Variants in DVL2 observed in about 807,000 individuals in gnomAD.
DVL2 encodes dishevelled segment polarity protein 2.
Under a neutral mutation model 69.8 loss-of-function variants are expected in DVL2, and 38 were observed. The ratio of observed to expected loss-of-function variants is 0.54; its 90% CI spans 0.42 to 0.71. DVL2 has a LOEUF of 0.71. Ranked by LOEUF, DVL2 falls within the 30% of genes least tolerant of loss-of-function variation. The pLI is 0.00. For missense variants in DVL2, 931 were observed against 1,008.1 expected (o/e 0.92, Z 1.04); for synonymous variants, 428 against 392.4 (o/e 1.09, Z -1.07).
chr17:7,233,258 A>C (rs1426985998), intron 1 of DVL2, among the ~76,000 whole-genome samples: 2 of 152,008 alleles, frequency 1.3e-5, no homozygotes, highest in African/African-American at 2.4e-5. Context: ...CACAGCCTAC[A>C]ATGCCCCCAC....
intron 3 of DVL2, 61 bp downstream of exon 3, chr17:7,230,224 C>T: frequency 6.2e-7 from 1 of 1,611,234 alleles, no homozygotes; most frequent in Non-Finnish European, 8.5e-7. Flanking sequence ...GCGTCCCCTA[C>T]CAAAGGCCTG....
intron 1 of DVL2, among the ~76,000 whole-genome samples, chr17:7,231,509 T>C (rs2142993650): frequency 6.7e-6 from 1 of 150,148 alleles, no homozygotes; most frequent in African/African-American, 2.5e-5. Flanking sequence ...CCTCTACTCT[T>C]ATACTTTCCT....
In DVL2 at chr17:7,230,281, T is replaced by A. The variant is rs753419221; in HGVS notation, c.410+4A>T. 50 of 1,613,898 alleles carry A rather than the reference T, an allele frequency of 3.1e-5. No homozygotes were observed. The highest frequency in any genetic ancestry group is 3.8e-5 in the Non-Finnish European group (45 of 1,179,992). ...CCCTGCAGTCAAGAATCTGAAGGACTCACTGGAAGGATGGAGGCCTTGAGT... is the reference window on the plus strand; with the variant it reads ...CCCTGCAGTCAAGAATCTGAAGGACACACTGGAAGGATGGAGGCCTTGAGT... On this transcript the variant is annotated splice_donor_region_variant and intron_variant, in intron 3 of 14. Transcript: ENST00000005340.
chr17:7,229,749 G>A lies in DVL2; in HGVS notation c.656+59C>T, dbSNP rs2071512670. 2.5e-6 allele frequency: 4 copies of A among 1,589,132 alleles called. No homozygotes were observed. Among genetic ancestry groups the A allele is most frequent in the South Asian group, 1.1e-5 (1 of 89,382 alleles). ...ATGGGGCCAAGAGAAAGAACAAGAG[G>A]ATTGACTGGAAGACGAGACGGGGCT... is the stretch of plus-strand genomic sequence containing the variant. On this transcript the variant is annotated intron_variant, in intron 5 of 14. Coordinates refer to ENST00000005340, the MANE Select transcript of DVL2 (RefSeq NM_004422.3). The surrounding 1 kb of genome is among the most constrained non-coding windows in gnomAD (Gnocchi z 4.4).
intron 1 of DVL2, among the ~76,000 whole-genome samples, chr17:7,231,334 G>C (rs2071539442): frequency 6.6e-6 from 1 of 150,800 alleles, no homozygotes; most frequent in Non-Finnish European, 1.5e-5. Flanking sequence ...ATGATGGTGG[G>C]TGTCTATAAT....
Position 7,229,099 on chromosome 17 carries a change from C to G in DVL2, c.957+36G>C. ...CACGGTGGGAGAGGCTGAGGGCCCC[C>G]GTGCAGGGCAGCTCAGTGGCCCTAC... is the stretch of plus-strand genomic sequence containing the variant. On this transcript the variant is annotated intron_variant, in intron 8 of 14. Transcript: ENST00000005340. This position sits in a 1 kb window ranked among gnomAD's most constrained non-coding sequence, Gnocchi z 4.4. 3 of 1,613,966 alleles carry G rather than the reference C, an allele frequency of 1.9e-6. No individual in the cohort carries two copies. Among genetic ancestry groups the G allele is most frequent in the Non-Finnish European group, 2.5e-6 (3 of 1,179,896 alleles).
In DVL2 at chr17:7,226,632, G is replaced by A; in HGVS notation, c.1551C>T (p.Val517=). The part of the protein sequence containing the change: ...DLSGGCESYL[V]NLSLNDNDGS... ...CATCGTTGTCATTGAGAGACAGGTTGACTAGGTCTGGAAAGCAAGGGAAGA... is the reference window on the plus strand; with the variant it reads ...CATCGTTGTCATTGAGAGACAGGTTAACTAGGTCTGGAAAGCAAGGGAAGA... The change falls in exon 14 of 15, where the codon GTC becomes GTT. Residue 517 remains valine, a synonymous_variant. Transcript: ENST00000005340. 6.4e-7 allele frequency: 1 copy of A among 1,560,498 alleles called. No individual in the cohort carries two copies.
intron 1 of DVL2, among the ~76,000 whole-genome samples, chr17:7,231,861 G>GA (rs35734517): frequency 0.11 from 5,298 of 50,004 alleles, 156 homozygotes; most frequent in Non-Finnish European, 0.12. Flanking sequence ...CTCCACCTCA[G>GA]AAAAAAAAAA....
Position 7,225,908 on chromosome 17 carries a change from A to G in DVL2, c.2168T>C (p.Met723Thr). 1 of 1,613,958 alleles carries G rather than the reference A, an allele frequency of 6.2e-7. No individual in the cohort carries two copies. Among genetic ancestry groups the G allele is most frequent in the Non-Finnish European group, 8.5e-7 (1 of 1,180,034 alleles). The change falls in exon 15 of 15, where the codon ATG becomes ACG. Residue 723 changes from methionine (M) to threonine (T), a missense_variant. By Grantham distance (81) the Met-to-Thr change is moderately conservative. This residue lies in a region of DVL2 where 314 missense variants were observed against 313.7 expected (regional missense o/e 1.00). Coordinates refer to ENST00000005340, the MANE Select transcript of DVL2 (RefSeq NM_004422.3). The part of the protein sequence containing the change: ...ELTASRQSFH[M>T]AMGNPSEFFV... ...GAACTCGCTGGGATTGCCCATGGCC[A>G]TGTGGAAGCTTTGGCGGCTGGCTGT...
Position 7,226,547 on chromosome 17 carries a change from G to T in DVL2, c.1636C>A (p.Pro546Thr). ...LAPLPGATPW[P>T]LLPTFSYQYP... The stretch of plus-strand genomic sequence containing the variant: ...TGGTAGGAGAAAGTGGGCAGCAGGG[G>T]CCAGGGGGTGGCCCCAGGCAGAGGA... The change falls in exon 14 of 15, where the codon CCC (proline) becomes ACC (threonine). Residue 546 changes from proline to threonine, a missense_variant. Around this residue, in one of 3 missense-constraint regions of DVL2, gnomAD observed 314 missense variants for 313.7 expected, o/e 1.00. Transcript: ENST00000005340. 2 of 1,609,532 alleles carry T rather than the reference G, an allele frequency of 1.2e-6. No individual in the cohort carries two copies. The highest frequency in any genetic ancestry group is 1.7e-6 in the Non-Finnish European group (2 of 1,178,076).
Position 7,230,160 on chromosome 17 carries a change from A to G in DVL2, c.411-5T>C. ...TGGCTGCTGGACACATTAGGGCTGG[A>G]CAGGCAGAGATGGTTTCCAACCCAC... On this transcript the variant is annotated splice_polypyrimidine_tract_variant and splice_region_variant and intron_variant, in intron 3 of 14. Coordinates refer to ENST00000005340, the MANE Select transcript of DVL2 (RefSeq NM_004422.3). The G allele has an allele frequency of 6.2e-7, 1 of 1,613,644 alleles. No individual in the cohort carries two copies. Among genetic ancestry groups the G allele is most frequent in the Non-Finnish European group, 8.5e-7 (1 of 1,179,698 alleles).
intron 1 of DVL2, among the ~76,000 whole-genome samples, chr17:7,231,731 T>C (rs939511682): frequency 6.6e-6 from 1 of 151,740 alleles, no homozygotes; most frequent in Admixed American, 6.6e-5. Flanking sequence ...GGCATGGTGG[T>C]GCACACCTAT....
At chr17:7,228,929 A>G (rs771704301) in intron 9 of DVL2, 40 bp downstream of exon 9, 1 of 1,598,692 alleles carries the variant, frequency 6.3e-7, no homozygotes, top group Admixed American at 1.7e-5. Flanking sequence ...AAGAGAAAAA[A>G]AAAGAGGACT....
chr17:7,228,360 C>T (rs146964992), intron 9 of DVL2: 395 of 208,450 alleles, frequency 1.9e-3, no homozygotes, highest in Middle Eastern at 3.6e-3. Context: ...TCCAGTGAGG[C>T]AAAGCTTTTC....
At chr17:7,233,000 G>C (rs545374917) in intron 1 of DVL2, among the ~76,000 whole-genome samples, 38 of 150,428 alleles carry the variant, frequency 2.5e-4, no homozygotes, top group East Asian at 9.9e-4. Flanking sequence ...TGAGGCAGGA[G>C]AATGGCGTGG....
At chr17:7,226,873 C>G (rs371508093) in intron 13 of DVL2, 7 of 630,564 alleles carry the variant, frequency 1.1e-5, no homozygotes, top group Non-Finnish European at 1.6e-5. Flanking sequence ...CACCTTCCCC[C>G]GGTGGACACA....
chr17:7,234,324 GCCTGCGCACACCCGCAAA>G lies in DVL2; in HGVS notation c.-80_-63del. The G allele has an allele frequency of 6.5e-7, 1 of 1,548,208 alleles. No homozygotes were observed. ...CCAAAGGGCTAATGGCCCCTGCCGC[GCCTGCGCACACCCGCAAA>G]CCGACGCGCGAGCGCGGACAGGACT... On this transcript the variant is annotated 5_prime_UTR_variant, in exon 1 of 15. Coordinates refer to ENST00000005340, the MANE Select transcript of DVL2 (RefSeq NM_004422.3).
Position 7,227,226 on chromosome 17 carries a change from A to G in DVL2, c.1407T>C (p.Phe469=), listed in dbSNP as rs61730815. The change falls in exon 13 of 15, where the codon TTT becomes TTC. Residue 469 remains phenylalanine, a synonymous_variant. Transcript: ENST00000005340. ...ACTTGCGGGCCTCCCGCCGCTCAGGAAAGCCCTCCACGTGATGGTAGAGCC... is the reference window on the plus strand; with the variant it reads ...ACTTGCGGGCCTCCCGCCGCTCAGGGAAGCCCTCCACGTGATGGTAGAGCC... The part of the protein sequence containing the change: ...VDWLYHHVEG[F]PERREARKYA... 1.5e-3 allele frequency: 2,355 copies of G among 1,613,770 alleles called. 10 individuals are homozygous for G. The highest frequency in any genetic ancestry group is 8.7e-3 in the Middle Eastern group (53 of 6,060).
rs377256967 is a variant in DVL2, at chr17:7,234,308, T to C, written c.-46A>G. 2 of 1,574,702 alleles carry C rather than the reference T, an allele frequency of 1.3e-6. No homozygotes were observed. Among genetic ancestry groups the C allele is most frequent in the African/African-American group, 1.4e-5 (1 of 72,952 alleles). Reference sequence around the variant, plus strand: ...GGGCTCCACCGCCCACCCAAAGGGCTAATGGCCCCTGCCGCGCCTGCGCAC... The same window carrying C: ...GGGCTCCACCGCCCACCCAAAGGGCCAATGGCCCCTGCCGCGCCTGCGCAC... On this transcript the variant is annotated 5_prime_UTR_variant, in exon 1 of 15. Coordinates refer to ENST00000005340, the MANE Select transcript of DVL2 (RefSeq NM_004422.3).
Sources: allele counts gnomAD v4.1 joint callset (sites outside exome capture counted in the v4.1 genomes callset), GRCh38; gene constraint gnomAD v4.1.1; regional missense constraint gnomAD v4.1.1; non-coding constraint Gnocchi (gnomAD v3.1); transcripts MANE v1.5; gene names NCBI Gene and HGNC (gene_info 2026-07-23, HGNC 2026-07-21).